Variants in KCNQ4 observed in about 807,000 individuals in gnomAD.
KCNQ4 encodes potassium voltage-gated channel subfamily Q member 4.
A neutral mutation model predicts 72.6 loss-of-function variants in KCNQ4; 31 were observed. The ratio of observed to expected loss-of-function variants is 0.43; its 90% CI spans 0.32 to 0.58. The LOEUF is 0.58. Ranked by LOEUF, KCNQ4 falls within the 20% of genes least tolerant of loss-of-function variation. KCNQ4 has a pLI of 0.08. For synonymous variants in KCNQ4, 405 were observed against 403.7 expected, an observed-to-expected ratio of 1.00 and a Z score of -0.04; for missense variants, 869 against 962.6, an observed-to-expected ratio of 0.90 and a Z score of 1.29.
At chr1:40,795,959 G>A (rs1353634096) in intron 1 of KCNQ4, among the ~76,000 whole-genome samples, 1 of 152,192 alleles carries the variant, frequency 6.6e-6, no homozygotes, top group African/African-American at 2.4e-5. Flanking sequence ...CTATGAGGTA[G>A]GTCCTATCAT....
intron 1 of KCNQ4, among the ~76,000 whole-genome samples, chr1:40,816,880 C>A (rs1648102210): frequency 6.6e-6 from 1 of 151,350 alleles, no homozygotes; most frequent in South Asian, 2.1e-4. Flanking sequence ...CTGGGCTGAC[C>A]TCTGGGGCAC....
chr1:40,799,442 T>G (rs200629096), intron 1 of KCNQ4, among the ~76,000 whole-genome samples: 2 of 131,958 alleles, frequency 1.5e-5, no homozygotes, highest in Non-Finnish European at 3.3e-5. Flanking sequence ...GCCCCCCCCC[T>G]CGCTAGGCAG....
chr1:40,789,761 G>A (rs188586495), intron 1 of KCNQ4, among the ~76,000 whole-genome samples: 16 of 152,318 alleles, frequency 1.1e-4, no homozygotes, highest in Middle Eastern at 3.4e-3. Flanking sequence ...GTTTCAAGAG[G>A]TGGTTATTAT....
chr1:40,812,719 G>C lies in KCNQ4; in HGVS notation c.315-4546G>C, dbSNP rs1037588353. Among the ~76,000 whole-genome samples the C allele has an allele frequency of 3.3e-5, 5 of 152,268 alleles. No homozygotes were observed. In the East Asian group the frequency reaches 5.8e-4, roughly 18 times the overall value. Reference sequence around the variant, plus strand: ...AATGGAGATGGTCAAGGTCAGAGGCGTTACTTTTTAGGAAAGACATGGGGC... The same window carrying C: ...AATGGAGATGGTCAAGGTCAGAGGCCTTACTTTTTAGGAAAGACATGGGGC... On this transcript the variant is annotated intron_variant, in intron 1 of 13. Coordinates refer to ENST00000347132, the MANE Select transcript of KCNQ4 (RefSeq NM_004700.4).
At chr1:40,838,261 G>A (rs1384147829) in intron 13 of KCNQ4, 50 bp from the exon 14 acceptor site, 1 of 1,537,144 alleles carries the variant, frequency 6.5e-7, no homozygotes. Context: ...GCCCCCGGCC[G>A]CGTCCCCTCC....
chr1:40,817,255 G>A lies in KCNQ4; in HGVS notation c.315-10G>A, dbSNP rs1648112130. 2 of 1,611,962 alleles carry A rather than the reference G, an allele frequency of 1.2e-6. No individual in the cohort carries two copies. Among genetic ancestry groups the A allele is most frequent in the Non-Finnish European group, 1.7e-6 (2 of 1,178,592 alleles). ...ACAATCTAACCCTCTCCCTCATGTT[G>A]TAATTGCAGATTTTTGCTGGTCTTC... On this transcript the variant is annotated splice_polypyrimidine_tract_variant and intron_variant, in intron 1 of 13. Coordinates refer to ENST00000347132, the MANE Select transcript of KCNQ4 (RefSeq NM_004700.4). The surrounding 1 kb of genome is among the most constrained non-coding windows in gnomAD (Gnocchi z 5.5).
Position 40,788,881 on chromosome 1 carries a change from C to T in KCNQ4, c.314+4474C>T, listed in dbSNP as rs1647231242. ...TGTCTCACACATGCACTCACTGCAA[C>T]ATCGACACACATGCACAAACACACA... On this transcript the variant is annotated intron_variant, in intron 1 of 13. Transcript: ENST00000347132. This position sits in a 1 kb window ranked among gnomAD's most constrained non-coding sequence, Gnocchi z 4.5. 6.6e-6 allele frequency among the ~76,000 whole-genome samples: 1 copy of T among 152,228 alleles called. No homozygotes were observed. Among genetic ancestry groups the T allele is most frequent in the Admixed American group, 6.5e-5 (1 of 15,280 alleles).
At chr1:40,837,962 A>C (rs1381424793) in intron 13 of KCNQ4, among the ~76,000 whole-genome samples, 168 bp downstream of exon 13, 1 of 150,212 alleles carries the variant, frequency 6.7e-6, no homozygotes, top group Non-Finnish European at 1.5e-5. Context: ...CATTCCCATA[A>C]ACCCGCCCTC....
In KCNQ4 at chr1:40,817,174, C is replaced by A. The variant is rs1648108927; in HGVS notation, c.315-91C>A. On this transcript the variant is annotated intron_variant, in intron 1 of 13. Coordinates refer to ENST00000347132, the MANE Select transcript of KCNQ4 (RefSeq NM_004700.4). This position sits in a 1 kb window ranked among gnomAD's most constrained non-coding sequence, Gnocchi z 5.5. ...CATAATTTTCTGAAAATAATGTTCT[C>A]CTCTCTTGGCTCTGTAACCCCCTGC... is the stretch of plus-strand genomic sequence containing the variant. 1.1e-6 allele frequency: 1 copy of A among 939,298 alleles called. No individual in the cohort carries two copies. The highest frequency in any genetic ancestry group is 1.7e-6 in the Non-Finnish European group (1 of 582,698). The allele number at this position is 939,298 out of a possible 1,614,324, so 58.2% of individuals were successfully genotyped here.
At chr1:40,829,767 G>A (rs111948861) in intron 9 of KCNQ4, among the ~76,000 whole-genome samples, 20 of 152,166 alleles carry the variant, frequency 1.3e-4, no homozygotes, top group African/African-American at 4.6e-4. Context: ...ATTTGGGGTG[G>A]GTCCCCCTGA....
rs1204094308 is a variant in KCNQ4, at chr1:40,833,028, G to T, written c.1528G>T (p.Glu510Ter). 1.9e-6 allele frequency: 3 copies of T among 1,613,380 alleles called. No individual in the cohort carries two copies. The highest frequency in any genetic ancestry group is 1.7e-6 in the Non-Finnish European group (2 of 1,179,726). The change falls in exon 11 of 14, where the codon GAA becomes TAA. Residue 510 changes from glutamate (E) to a stop codon, truncating the protein, a stop_gained. Coordinates refer to ENST00000347132, the MANE Select transcript of KCNQ4 (RefSeq NM_004700.4). LOFTEE classifies it high-confidence loss of function. ...RTSAEDAPSE[E>*]VAEEKSYQCE... ...TGCCTTTTCAGATGCCCCCTCAGAG[G>T]AAGTAGCAGAGGAGAAGAGCTACCA... is the stretch of plus-strand genomic sequence containing the variant.
intron 1 of KCNQ4, among the ~76,000 whole-genome samples, chr1:40,789,550 G>A (rs1647241333): frequency 6.6e-6 from 1 of 152,034 alleles, no homozygotes; most frequent in African/African-American, 2.4e-5. Context: ...CCTCCTCCTT[G>A]CACTCCCCTT....
intron 1 of KCNQ4, among the ~76,000 whole-genome samples, chr1:40,806,758 AG>A (rs1249747234): frequency 6.6e-6 from 1 of 152,232 alleles, no homozygotes; most frequent in Non-Finnish European, 1.5e-5. Context: ...GATAGAGAGC[AG>A]GGGGATGAGG....
intron 1 of KCNQ4, among the ~76,000 whole-genome samples, chr1:40,789,211 G>C (rs140312257): frequency 3.3e-5 from 5 of 152,144 alleles, no homozygotes; most frequent in African/African-American, 1.2e-4. Context: ...GGGGGTCCTC[G>C]GGGGTCCTTT....
rs908736110 is a variant in KCNQ4 at position 40,819,795 on chromosome 1, G to T, written c.835-80G>T. ...CAGGGGCCCCTTCCCTCATGATCAG[G>T]CTCCTACCTGCCTGTACCCCCAACA... On this transcript the variant is annotated intron_variant, in intron 5 of 13. Transcript: ENST00000347132. 3.5e-6 allele frequency: 4 copies of T among 1,157,822 alleles called. No homozygotes were observed. The African/African-American group carries it at 4.5e-5, about 13-fold the overall frequency. 71.7% of individuals were successfully genotyped at this position (1,157,822 alleles called of 1,614,324 possible).
At chr1:40,830,578 T>C (rs1156485335) in intron 9 of KCNQ4, among the ~76,000 whole-genome samples, 2 of 151,914 alleles carry the variant, frequency 1.3e-5, no homozygotes, top group Non-Finnish European at 2.9e-5. Context: ...TGTGTGTGCA[T>C]GCGCGCACAC....
chr1:40,789,215 G>T (rs955890691), intron 1 of KCNQ4, among the ~76,000 whole-genome samples: 1 of 152,174 alleles, frequency 6.6e-6, no homozygotes, highest in Non-Finnish European at 1.5e-5. Flanking sequence ...GTCCTCGGGG[G>T]TCCTTTGATC....
In KCNQ4 at chr1:40,819,957, T is replaced by A; in HGVS notation, c.917T>A (p.Leu306Gln). 3.7e-6 allele frequency: 6 copies of A among 1,614,218 alleles called. No homozygotes were observed. Among genetic ancestry groups the A allele is most frequent in the Non-Finnish European group, 5.1e-6 (6 of 1,180,008 alleles). ...GTCCTGGCTGCTGGCTTCGCCTTAC[T>A]GGGCATCTCTTTCTTTGCCCTGCCT... ...GRVLAAGFAL[L>Q]GISFFALPAG... is the part of the protein sequence containing the mutation. The change falls in exon 6 of 14, where the codon CTG becomes CAG. Residue 306 changes from leucine to glutamine, a missense_variant. By Grantham distance (113) the Leu-to-Gln change is moderately radical. Coordinates refer to ENST00000347132, the MANE Select transcript of KCNQ4 (RefSeq NM_004700.4).
Position 40,818,496 on chromosome 1 carries a change from C to T in KCNQ4, c.533-9C>T. On this transcript the variant is annotated splice_polypyrimidine_tract_variant and intron_variant, in intron 3 of 13. Coordinates refer to ENST00000347132, the MANE Select transcript of KCNQ4 (RefSeq NM_004700.4). ...GCTGGCTGTGATCTCGCCGCCCCCG[C>T]CCCTGCAGACTTCATCGTGTTCGTG... 6.2e-7 allele frequency: 1 copy of T among 1,600,530 alleles called. No individual in the cohort carries two copies. Among genetic ancestry groups the T allele is most frequent in the Non-Finnish European group, 8.5e-7 (1 of 1,179,824 alleles).
Sources: allele counts gnomAD v4.1 joint callset (sites outside exome capture counted in the v4.1 genomes callset), GRCh38; gene constraint gnomAD v4.1.1; non-coding constraint Gnocchi (gnomAD v3.1); transcripts MANE v1.5; gene names NCBI Gene and HGNC (gene_info 2026-07-23, HGNC 2026-07-21).